Variants in GPC3 observed in about 807,000 individuals in gnomAD.
The protein encoded by GPC3 is glypican 3, also known as glypican-3.
Under a neutral mutation model 34.4 loss-of-function variants are expected in GPC3, and 3 were observed. The ratio of observed to expected loss-of-function variants is 0.09; its 90% CI spans 0.04 to 0.23. The LOEUF is 0.23. Ranked by LOEUF, GPC3 falls within the 10% of genes least tolerant of loss-of-function variation. The pLI is 1.00. For synonymous variants in GPC3, 177 were observed against 174.0 expected (o/e 1.02, Z -0.13); for missense variants, 351 against 445.6 (o/e 0.79, Z 1.91).
chrX:133,623,617 A>C (rs1338454646), intron 6 of GPC3, among the ~76,000 whole-genome samples: 1 of 112,068 alleles, frequency 8.9e-6, no homozygotes, highest in Non-Finnish European at 1.9e-5. Flanking sequence ...AACTATCCTA[A>C]ATATATATGC....
chrX:133,699,189 C>G (rs1035002449), intron 4 of GPC3, among the ~76,000 whole-genome samples: 2 of 111,880 alleles, frequency 1.8e-5, no homozygotes, highest in African/African-American at 3.2e-5. Context: ...TGCACTCCCC[C>G]CTCAAGGTCA....
chrX:133,866,894 G>A (rs1405440238), intron 2 of GPC3, among the ~76,000 whole-genome samples: 3 of 110,765 alleles, frequency 2.7e-5, no homozygotes, highest in Admixed American at 1.9e-4. Context: ...CCACCATTTA[G>A]CACCTGAATA....
chrX:133,537,961 A>G (rs1328691862), intron 7 of GPC3, among the ~76,000 whole-genome samples: 1 of 111,248 alleles, frequency 9.0e-6, no homozygotes, highest in Admixed American at 9.7e-5. Context: ...ATGGCTGTAG[A>G]AAGAAATAAT....
At chrX:133,750,199 T>C (rs1394487847) in intron 3 of GPC3, among the ~76,000 whole-genome samples, 1 of 111,928 alleles carries the variant, frequency 8.9e-6, no homozygotes, top group Non-Finnish European at 1.9e-5. Context: ...TCCTGAATGA[T>C]AATGACATGA....
intron 2 of GPC3, among the ~76,000 whole-genome samples, chrX:133,843,844 T>A (rs1375965239): frequency 8.9e-6 from 1 of 112,252 alleles, no homozygotes; most frequent in Non-Finnish European, 1.9e-5. Context: ...TACAAAAAAA[T>A]TTCTTCCACA....
At chrX:133,624,937 T>C (rs2070283103) in intron 6 of GPC3, among the ~76,000 whole-genome samples, 1 of 111,332 alleles carries the variant, frequency 9.0e-6, no homozygotes, top group Non-Finnish European at 1.9e-5. Context: ...GCAAACCAAA[T>C]CCAGCAGCAC....
chrX:133,746,306 T>G lies in GPC3; in HGVS notation c.1032+7176A>C, dbSNP rs761471123. On this transcript the variant is annotated intron_variant, in intron 3 of 7. Coordinates refer to ENST00000370818, the MANE Select transcript of GPC3 (RefSeq NM_004484.4). ...ACTGACCACAGAAAGGATGTAAAAT[T>G]TCTCTCTAAAAATTCAGAACATATA... 3.6e-5 allele frequency among the ~76,000 whole-genome samples: 4 copies of G among 112,167 alleles called. No individual in the cohort carries two copies. In the South Asian group the frequency reaches 1.5e-3, roughly 42 times the overall value.
At chrX:133,688,340 G>A (rs1007237220) in intron 5 of GPC3, among the ~76,000 whole-genome samples, 2 of 111,858 alleles carry the variant, frequency 1.8e-5, no homozygotes, top group African/African-American at 6.5e-5. Flanking sequence ...ATAGGGTGGT[G>A]GTGGGAAGCT....
At chrX:133,726,092 T>A (rs1299029774) in intron 3 of GPC3, among the ~76,000 whole-genome samples, 1 of 112,090 alleles carries the variant, frequency 8.9e-6, no homozygotes, top group Non-Finnish European at 1.9e-5. Context: ...AAAGATTGCT[T>A]TTCTAATAAA....
chrX:133,752,788 C>A (rs2071679175), intron 3 of GPC3, among the ~76,000 whole-genome samples: 2 of 112,154 alleles, frequency 1.8e-5, no homozygotes, highest in Non-Finnish European at 1.9e-5. Flanking sequence ...GTTTGCCTTG[C>A]TTATGTGCTT....
chrX:133,608,983 G>C (rs1246924207), intron 6 of GPC3, among the ~76,000 whole-genome samples: 1 of 111,472 alleles, frequency 9.0e-6, no homozygotes, highest in African/African-American at 3.3e-5. Context: ...GGGGAAATGG[G>C]CTGTCTCTCA....
intron 1 of GPC3, among the ~76,000 whole-genome samples, chrX:133,966,704 G>A (rs778828784): frequency 8.9e-6 from 1 of 112,068 alleles, no homozygotes; most frequent in South Asian, 3.7e-4. Context: ...AGTGAGAAGC[G>A]CTGTTATTGA....
At chrX:133,822,037 G>A (rs907657790) in intron 2 of GPC3, among the ~76,000 whole-genome samples, 15 of 111,307 alleles carry the variant, frequency 1.3e-4, no homozygotes, top group Non-Finnish European at 2.6e-4. Context: ...TGCTATCTGT[G>A]GTCTGTTTCC....
At chrX:133,968,625 G>A (rs1013580874) in intron 1 of GPC3, among the ~76,000 whole-genome samples, 3 of 110,998 alleles carry the variant, frequency 2.7e-5, no homozygotes, top group African/African-American at 6.6e-5. Context: ...AAATGTTAAC[G>A]ATTATTAGCA....
At position 133,636,265 on chromosome X, in the gene GPC3, A is replaced by G. The variant is rs989731131; in HGVS notation, c.1413+25465T>C. On this transcript the variant is annotated intron_variant, in intron 6 of 7. Transcript: ENST00000370818. ...AGAACAGTCTAAGACAGGATGCGAG[A>G]GAGCCAATATTGTACATAGCTGAAA... is the stretch of plus-strand genomic sequence containing the variant. 1.4e-4 allele frequency among the ~76,000 whole-genome samples: 16 copies of G among 112,631 alleles called. No individual in the cohort carries two copies. In the Admixed American group the frequency reaches 1.5e-3, roughly 11 times the overall value.
In GPC3 at chrX:133,737,008, C is replaced by A. The variant is rs73563295; in HGVS notation, c.1032+16474G>T. 2.7e-5 allele frequency among the ~76,000 whole-genome samples: 3 copies of A among 111,745 alleles called. No homozygotes were observed. The East Asian group carries it at 8.4e-4, about 31-fold the overall frequency. ...TCAATTAATATAAAAGTAAAAGATG[C>A]TCCAAACAAATATTATTCAACACTA... On this transcript the variant is annotated intron_variant, in intron 3 of 7. Transcript: ENST00000370818.
intron 2 of GPC3, among the ~76,000 whole-genome samples, chrX:133,824,189 G>A (rs185176674): frequency 9.0e-6 from 1 of 111,510 alleles, no homozygotes; most frequent in East Asian, 2.8e-4. Flanking sequence ...ACAGAAAACA[G>A]ATCATAAAAT....
intron 2 of GPC3, chrX:133,763,212 T>C: frequency 1.7e-6 from 1 of 602,650 alleles, no homozygotes; most frequent in Non-Finnish European, 2.8e-6. Context: ...AGGCATCTTA[T>C]GTTAATCTTC....
chrX:133,705,969 C>A (rs1286151673), intron 3 of GPC3, among the ~76,000 whole-genome samples: 1 of 111,880 alleles, frequency 8.9e-6, no homozygotes, highest in Non-Finnish European at 1.9e-5. Context: ...GTCTAGCTTG[C>A]CACTTGCTGC....
Sources: gnomAD v4.1 joint callset for allele counts (sites outside exome capture counted in the v4.1 genomes callset) on GRCh38, gnomAD v4.1.1 for gene constraint, MANE v1.5 for transcripts, NCBI Gene and HGNC (gene_info 2026-07-23, HGNC 2026-07-21) for gene names.